The following PRSS3 variants were observed in gnomAD, a reference collection of about 807,000 sequenced individuals.
PRSS3 encodes trypsin-3.
A neutral mutation model predicts 20.8 loss-of-function variants in PRSS3; 14 were observed. That is an observed-to-expected ratio of 0.67 (90% CI 0.44 to 1.05). The LOEUF (loss-of-function observed/expected upper bound fraction) is 1.05, where lower values mean the gene tolerates loss of function less well. PRSS3 is among the 50% of genes least tolerant of loss of function. The pLI, the probability that PRSS3 is intolerant of heterozygous loss-of-function variation, is 0.00. For synonymous variants in PRSS3, 91 were observed against 117.6 expected, an observed-to-expected ratio of 0.77 and a Z score of 1.46; for missense variants, 237 against 306.4, an observed-to-expected ratio of 0.77 and a Z score of 1.69.
intron 1 of PRSS3, among the ~76,000 whole-genome samples, chr9:33,755,362 G>T (rs916226965): frequency 1.1e-4 from 16 of 152,168 alleles, no homozygotes; most frequent in African/African-American, 3.6e-4. Flanking sequence ...AACCCTAGTG[G>T]CAATTACTTT....
At chr9:33,761,834 G>A (rs1252634728) in intron 1 of PRSS3, among the ~76,000 whole-genome samples, 4 of 152,154 alleles carry the variant, frequency 2.6e-5, no homozygotes, top group African/African-American at 4.8e-5. Context: ...AGTTGAGATC[G>A]TGCCACTGTA....
In PRSS3 at chr9:33,796,741, T is replaced by C; in HGVS notation, c.139T>C (p.Phe47Leu). Residue 47 changes from phenylalanine to leucine, a missense_variant, in exon 2 of 5, where the codon TTC (phenylalanine) becomes CTC (leucine). Physicochemically the swap from Phe to Leu is conservative, Grantham distance 22. Coordinates refer to ENST00000379405, the MANE Select transcript of PRSS3 (RefSeq NM_002771.4). ...GGTGTCCCTGAATTCTGGCTCCCAC[T>C]TCTGCGGTGGCTCCCTCATCAGCGA... ...YQVSLNSGSH[F>L]CGGSLISEQW... 6.2e-7 allele frequency: 1 copy of C among 1,614,032 alleles called. No homozygotes were observed. The highest frequency in any genetic ancestry group is 8.5e-7 in the Non-Finnish European group (1 of 1,179,866).
Position 33,751,420 on chromosome 9 carries a change from C to G in PRSS3, c.-53+693C>G, listed in dbSNP as rs370418223. Among the ~76,000 whole-genome samples the G allele has an allele frequency of 1.4e-4, 22 of 152,280 alleles. No individual in the cohort carries two copies. In the East Asian group the frequency reaches 1.5e-3, roughly 11 times the overall value. ...GGGGGAGAAATTTGCGGGGGTGGCCCTGTCTAGGGCCAGAGAAACAACCTC... is the reference window on the plus strand; with the variant it reads ...GGGGGAGAAATTTGCGGGGGTGGCCGTGTCTAGGGCCAGAGAAACAACCTC... On this transcript the variant is annotated intron_variant, in intron 1 of 5. Transcript: ENST00000342836.
Position 33,799,030 on chromosome 9 carries a change from T to A in PRSS3, c.594T>A (p.Arg198=), listed in dbSNP as rs1825189375. The change falls in exon 5 of 5, where the codon CGT becomes CGA. Residue 198 remains arginine (R), a splice_region_variant and synonymous_variant. Coordinates refer to ENST00000379405, the MANE Select transcript of PRSS3 (RefSeq NM_002771.4). ...FLEGGKDSCQ[R]DSGGPVVCNG... ...AACTTGTCCCTTCTTCTCCCCAGCG[T>A]GACTCTGGTGGCCCTGTGGTCTGCA... 6.2e-7 allele frequency: 1 copy of A among 1,614,180 alleles called. No homozygotes were observed. Among genetic ancestry groups the A allele is most frequent in the Non-Finnish European group, 8.5e-7 (1 of 1,179,968 alleles).
At chr9:33,757,386 T>G (rs755005926) in intron 1 of PRSS3, among the ~76,000 whole-genome samples, 1 of 152,232 alleles carries the variant, frequency 6.6e-6, no homozygotes, top group Non-Finnish European at 1.5e-5. Context: ...GGGACAGAAT[T>G]TCTGCCCTTG....
chr9:33,790,788 TAGA>T (rs1824598272), upstream of PRSS3, among the ~76,000 whole-genome samples: 8 of 152,302 alleles, frequency 5.3e-5, no homozygotes, highest in South Asian at 1.7e-3. Context: ...CCAAATAGCC[TAGA>T]AGAACTCCTG....
At chr9:33,780,558 C>T (rs1190886765) in intron 1 of PRSS3, among the ~76,000 whole-genome samples, 1 of 152,130 alleles carries the variant, frequency 6.6e-6, no homozygotes, top group Non-Finnish European at 1.5e-5. Context: ...CCTATCAATA[C>T]TAATCTTGAA....
At chr9:33,794,598 A>G (rs1401682858), upstream of PRSS3, 1 of 943,480 alleles carries the variant, frequency 1.1e-6, no homozygotes, top group African/African-American at 1.7e-5. Context: ...ACCATGTGCT[A>G]AAATCTCTAC....
chr9:33,784,469 T>C (rs1824304535), intron 1 of PRSS3, among the ~76,000 whole-genome samples: 1 of 152,216 alleles, frequency 6.6e-6, no homozygotes, highest in Admixed American at 6.5e-5. Context: ...CCAATAGATG[T>C]AAAGGCTTCA....
intron 3 of PRSS3, 131 bp from the exon 4 acceptor site, chr9:33,798,355 T>C (rs969625523): frequency 1.5e-5 from 22 of 1,427,948 alleles, no homozygotes; most frequent in Non-Finnish European, 1.9e-5. Flanking sequence ...CAGAGTCCCT[T>C]GCCAGAACTT....
At chr9:33,763,751 G>A (rs1224808506) in intron 1 of PRSS3, among the ~76,000 whole-genome samples, 1 of 150,542 alleles carries the variant, frequency 6.6e-6, no homozygotes, top group Admixed American at 6.6e-5. Flanking sequence ...GAGAGTAAGT[G>A]ACATTATCTA....
Position 33,786,819 on chromosome 9 carries a change from G to A in PRSS3, c.-52-7927G>A, listed in dbSNP as rs527744703. 6.6e-6 allele frequency: 5 copies of A among 753,112 alleles called. No individual in the cohort carries two copies. In the South Asian group the frequency reaches 6.9e-5, roughly 10 times the overall value. 46.7% of individuals were successfully genotyped at this position (753,112 alleles called of 1,614,324 possible). ...GAAGACAGCAGCATATACCTCTGCA[G>A]CGTTGAAGACACAGTGCAGGGCACA... On this transcript the variant is annotated intron_variant, in intron 1 of 5. Coordinates refer to the PRSS3 transcript ENST00000342836.
At chr9:33,777,750 C>G (rs1268142970) in intron 1 of PRSS3, among the ~76,000 whole-genome samples, 1 of 150,350 alleles carries the variant, frequency 6.7e-6, no homozygotes, top group African/African-American at 2.4e-5. Flanking sequence ...GTAAAAACTT[C>G]ATCATTGTAT....
intron 1 of PRSS3, among the ~76,000 whole-genome samples, chr9:33,770,737 C>T (rs527303229): frequency 1.3e-5 from 2 of 152,242 alleles, no homozygotes; most frequent in South Asian, 4.1e-4. Flanking sequence ...ACCTCCAAGC[C>T]AAGAAGAGAG....
rs1823542910 is a variant in PRSS3 at position 33,768,447 on chromosome 9, C to T, written c.-53+17720C>T. ...GTGAGCTGAGATAGCACCACCGCAG[C>T]ACTCCAGCCTGGGCAATAGAGCGAG... is the stretch of plus-strand genomic sequence containing the variant. On this transcript the variant is annotated intron_variant, in intron 1 of 5. Coordinates refer to the PRSS3 transcript ENST00000342836. Among the ~76,000 whole-genome samples the T allele has an allele frequency of 5.3e-5, 8 of 151,512 alleles. No homozygotes were observed. In the South Asian group the frequency reaches 1.7e-3, roughly 32 times the overall value.
In PRSS3 at chr9:33,750,819, G is replaced by A; in HGVS notation, c.-53+92G>A. The stretch of plus-strand genomic sequence containing the variant: ...CAAGGAGCGGGGCTGTGATGGAGAG[G>A]GGGTTCCGACTCGCATGGGACCTGC... On this transcript the variant is annotated intron_variant, in intron 1 of 5. Coordinates refer to the PRSS3 transcript ENST00000342836. This position sits in a 1 kb window ranked among gnomAD's most constrained non-coding sequence, Gnocchi z 4.8. 2.9e-6 allele frequency: 4 copies of A among 1,399,666 alleles called. No individual in the cohort carries two copies. The highest frequency in any genetic ancestry group is 3.7e-6 in the Non-Finnish European group (4 of 1,083,256). 86.7% of individuals were successfully genotyped at this position (1,399,666 alleles called of 1,614,324 possible). A position where few individuals can be genotyped will look rare whatever the true frequency, so the allele number is the denominator to read the frequency against.
chr9:33,781,652 T>G (rs1824190803), intron 1 of PRSS3, among the ~76,000 whole-genome samples: 1 of 152,188 alleles, frequency 6.6e-6, no homozygotes, highest in Non-Finnish European at 1.5e-5. Context: ...AAAATAAAAG[T>G]GGGAATTTTA....
upstream of PRSS3, chr9:33,793,752 G>T: frequency 1.1e-6 from 1 of 903,402 alleles, no homozygotes; most frequent in Non-Finnish European, 1.3e-6. Flanking sequence ...GTATTCTTGG[G>T]CAAGACAGAA....
In PRSS3 at chr9:33,777,031, C is replaced by CA. The variant is rs570497085; in HGVS notation, c.-52-17711dup. Among the ~76,000 whole-genome samples, 7 of 152,056 alleles carry CA rather than the reference C, an allele frequency of 4.6e-5. No homozygotes were observed. The East Asian group carries it at 1.4e-3, about 29-fold the overall frequency. On this transcript the variant is annotated intron_variant, in intron 1 of 5. Transcript: ENST00000342836. The stretch of plus-strand genomic sequence containing the variant: ...AATTGTCCAAAACTAGAAAAGAAGA[C>CA]AAAATCTTCAAACAGCCAGAGAAAA...
Sources: allele counts gnomAD v4.1 joint callset (sites outside exome capture counted in the v4.1 genomes callset), GRCh38; gene constraint gnomAD v4.1.1; non-coding constraint Gnocchi (gnomAD v3.1); transcripts MANE v1.5; gene names NCBI Gene and HGNC (gene_info 2026-07-23, HGNC 2026-07-21).